RMND1: variants seen among roughly 807,000 people sequenced by gnomAD.
RMND1 encodes the protein required for meiotic nuclear division 1 homolog.
Under a neutral mutation model 54.0 loss-of-function variants are expected in RMND1, and 41 were observed. The ratio of observed to expected loss-of-function variants is 0.76; its 90% CI spans 0.59 to 0.98. The LOEUF is 0.98. Among genes scored for constraint, RMND1 ranks in the 50% least tolerant of loss-of-function variants. RMND1 has a pLI of 0.00. For missense variants in RMND1, 457 were observed against 532.0 expected (o/e 0.86, Z 1.39); for synonymous variants, 183 against 181.7 (o/e 1.01, Z -0.06).
chr6:151,441,908 T>C (rs1780787331), intron 2 of RMND1, among the ~76,000 whole-genome samples: 1 of 152,134 alleles, frequency 6.6e-6, no homozygotes. Flanking sequence ...ATAGAGCTGG[T>C]TGGTCAGAAG....
intron 8 of RMND1, among the ~76,000 whole-genome samples, chr6:151,422,039 T>C (rs1460038532): frequency 6.6e-6 from 1 of 152,200 alleles, no homozygotes; most frequent in African/African-American, 2.4e-5. Flanking sequence ...ATGAAGTTTC[T>C]TAATTTGTCA....
rs1780035678 is a variant in RMND1, at chr6:151,417,352, T to C, written c.1127A>G (p.Tyr376Cys). 2 of 1,613,022 alleles carry C rather than the reference T, an allele frequency of 1.2e-6. No homozygotes were observed. Among genetic ancestry groups the C allele is most frequent in the Non-Finnish European group, 1.7e-6 (2 of 1,179,288 alleles). ...SSDFLITPDF[Y>C]WDRENLEGLY... ...TCCTTCCAGGTTTTCTCTGTCCCAG[T>C]AGAAATCAGGAGTAATCAGGAAGTC... Residue 376 changes from tyrosine (Y) to cysteine (C), a missense_variant, in exon 10 of 12, where the codon TAC becomes TGC. By Grantham distance (194) the Tyr-to-Cys change is radical (BLOSUM62 -2). Transcript: ENST00000444024.
At chr6:151,450,927 T>G (rs570262717) in intron 1 of RMND1, among the ~76,000 whole-genome samples, 78 of 152,290 alleles carry the variant, frequency 5.1e-4, no homozygotes, top group Admixed American at 3.6e-3. Flanking sequence ...CTCTGAAACA[T>G]GTGCTGTGTC....
chr6:151,446,825 A>C (rs1780965477), intron 1 of RMND1, among the ~76,000 whole-genome samples: 2 of 151,974 alleles, frequency 1.3e-5, no homozygotes, highest in African/African-American at 4.8e-5. Flanking sequence ...CGTTCAAACC[A>C]GGGAGGGAGA....
At chr6:151,442,356 C>G (rs1562799493) in intron 2 of RMND1, among the ~76,000 whole-genome samples, 1 of 152,110 alleles carries the variant, frequency 6.6e-6, no homozygotes, top group Non-Finnish European at 1.5e-5. Flanking sequence ...ATTTTCTATT[C>G]TATTTCATTT....
At chr6:151,421,037 G>A in intron 9 of RMND1, 2 of 450,116 alleles carry the variant, frequency 4.4e-6, no homozygotes, top group Non-Finnish European at 8.0e-6. Flanking sequence ...GATCTCTTTT[G>A]CACATGCGTG....
intron 3 of RMND1, 40 bp from the exon 4 acceptor site, chr6:151,433,270 G>T: frequency 7.2e-7 from 1 of 1,396,622 alleles, no homozygotes; most frequent in Non-Finnish European, 1.0e-6. Flanking sequence ...CTATGTCAAG[G>T]TAACACAAGT....
Position 151,445,289 on chromosome 6 carries a change from AC to A in RMND1, c.504+18del. 1 of 1,588,704 alleles carries A rather than the reference AC, an allele frequency of 6.3e-7. No homozygotes were observed. The highest frequency in any genetic ancestry group is 8.6e-7 in the Non-Finnish European group (1 of 1,168,804). On this transcript the variant is annotated intron_variant, in intron 2 of 11. Coordinates refer to ENST00000444024, the MANE Select transcript of RMND1 (RefSeq NM_017909.4). ...GCAATGATCACTAAGCACGAGAGCC[AC>A]GGCCACCCCTACTTTACCTCGTTCA...
rs1240205811 is a variant in RMND1 at position 151,433,144 on chromosome 6, T to C, written c.689+11A>G. On this transcript the variant is annotated intron_variant, in intron 4 of 11. Coordinates refer to ENST00000444024, the MANE Select transcript of RMND1 (RefSeq NM_017909.4). The stretch of plus-strand genomic sequence containing the variant: ...CCATCATCACCTAATGGGGTTTCTT[T>C]CCTGTCTTACCTGAAGAAGAATATT... 5.0e-6 allele frequency: 8 copies of C among 1,596,510 alleles called. No homozygotes were observed. Among genetic ancestry groups the C allele is most frequent in the Non-Finnish European group, 6.9e-6 (8 of 1,166,594 alleles).
intron 10 of RMND1, chr6:151,416,580 TG>T (rs1780014290): frequency 6.6e-6 from 1 of 152,142 alleles, no homozygotes; most frequent in African/African-American, 2.4e-5. Context: ...AATGCCACCA[TG>T]CCTGGCTAAT....
At chr6:151,418,809 T>G (rs762751875) in intron 9 of RMND1, among the ~76,000 whole-genome samples, 41 of 152,110 alleles carry the variant, frequency 2.7e-4, no homozygotes, top group Admixed American at 3.9e-4. Context: ...TTGTTCTTGT[T>G]GCCCAGGCTG....
intron 10 of RMND1, among the ~76,000 whole-genome samples, chr6:151,413,135 G>A (rs1450664477): frequency 6.6e-6 from 1 of 152,294 alleles, no homozygotes; most frequent in East Asian, 1.9e-4. Flanking sequence ...AACCACGAGT[G>A]AACTAGGAAG....
intron 2 of RMND1, among the ~76,000 whole-genome samples, chr6:151,440,901 A>G (rs1293583954): frequency 6.6e-6 from 1 of 151,902 alleles, no homozygotes; most frequent in Non-Finnish European, 1.5e-5. Flanking sequence ...GGATTTTTAC[A>G]GTGAATCCTT....
At position 151,405,243 on chromosome 6, in the gene RMND1, A is replaced by C; in HGVS notation, c.1342T>G (p.Phe448Val). 6.2e-7 allele frequency: 1 copy of C among 1,612,998 alleles called. No individual in the cohort carries two copies. The highest frequency in any genetic ancestry group is 8.5e-7 in the Non-Finnish European group (1 of 1,179,066). Residue 448 changes from phenylalanine to valine, a missense_variant, in exon 12 of 12, where the codon TTT becomes GTT. Phe to Val is a conservative substitution (Grantham distance 50, BLOSUM62 -1). Coordinates refer to ENST00000444024, the MANE Select transcript of RMND1 (RefSeq NM_017909.4). ...CTTTGGTTATCACTTGATCAGAAAA[A>C]TACTCGTCCCAGCTCAAACATTACC... is the stretch of plus-strand genomic sequence containing the variant. ...IEVMFELGRV[F>V]F
intron 9 of RMND1, among the ~76,000 whole-genome samples, chr6:151,417,688 T>C (rs1780044731): frequency 6.6e-6 from 1 of 151,960 alleles, no homozygotes; most frequent in African/African-American, 2.4e-5. Flanking sequence ...CTTTGCAAAA[T>C]ACTGCCAACA....
intron 1 of RMND1, among the ~76,000 whole-genome samples, chr6:151,450,761 G>C (rs1399758191): frequency 7.2e-6 from 1 of 139,410 alleles, no homozygotes; most frequent in Admixed American, 7.0e-5. Context: ...TAATAGAAAG[G>C]GGGGAAAGGG....
chr6:151,450,909 C>A (rs1781158983), intron 1 of RMND1, among the ~76,000 whole-genome samples: 1 of 152,110 alleles, frequency 6.6e-6, no homozygotes, highest in Non-Finnish European at 1.5e-5. Context: ...TACCCCCAAC[C>A]CTGTGCTCTC....
intron 2 of RMND1, among the ~76,000 whole-genome samples, chr6:151,438,676 T>C (rs1582964733): frequency 6.6e-6 from 1 of 152,194 alleles, no homozygotes; most frequent in East Asian, 1.9e-4. Flanking sequence ...TGGACTAGGA[T>C]AGAGTAGGGG....
intron 2 of RMND1, among the ~76,000 whole-genome samples, chr6:151,439,840 A>G (rs1235482057): frequency 1.3e-5 from 2 of 152,064 alleles, no homozygotes; most frequent in East Asian, 3.9e-4. Flanking sequence ...TTGTATTTTT[A>G]GTAGAGACGG....
Sources: allele counts gnomAD v4.1 joint callset (sites outside exome capture counted in the v4.1 genomes callset), GRCh38; gene constraint gnomAD v4.1.1; transcripts MANE v1.5; gene names NCBI Gene and HGNC (gene_info 2026-07-23, HGNC 2026-07-21).